GK5: variants seen among roughly 807,000 people sequenced by gnomAD.
GK5 encodes glycerol kinase 5.
A neutral mutation model predicts 77.3 loss-of-function variants in GK5; 39 were observed. That is an observed-to-expected ratio of 0.50 (90% CI 0.39 to 0.66). The LOEUF (loss-of-function observed/expected upper bound fraction) is 0.66. Ranked by LOEUF, GK5 falls within the 30% of genes least tolerant of loss-of-function variation. The probability of loss-of-function intolerance (pLI) is 0.00; values close to 1 mark genes in which losing one functional copy is unlikely to be tolerated. For synonymous variants in GK5, 211 were observed against 208.0 expected, an observed-to-expected ratio of 1.01 and a Z score of -0.13; for missense variants, 487 against 633.8, an observed-to-expected ratio of 0.77 and a Z score of 2.49.
chr3:142,225,128 G>A (rs1400843339), intron 1 of GK5, among the ~76,000 whole-genome samples, 181 bp downstream of exon 1: 4 of 152,148 alleles, frequency 2.6e-5, no homozygotes, highest in Non-Finnish European at 5.9e-5. Context: ...GCCCAGACGA[G>A]GGAGGGAACG....
chr3:142,177,230 A>G (rs1560212982), intron 12 of GK5, among the ~76,000 whole-genome samples: 2 of 152,168 alleles, frequency 1.3e-5, no homozygotes, highest in Admixed American at 1.3e-4. Flanking sequence ...TAGGTTCCAC[A>G]CAGTTCTAAG....
At chr3:142,202,693 A>G (rs979794851) in intron 4 of GK5, among the ~76,000 whole-genome samples, 1 of 152,226 alleles carries the variant, frequency 6.6e-6, no homozygotes, top group Non-Finnish European at 1.5e-5. Flanking sequence ...ATGGTGGTTC[A>G]TACCTGTAAT....
At chr3:142,223,345 T>C (rs1272533885) in intron 1 of GK5, among the ~76,000 whole-genome samples, 1 of 152,246 alleles carries the variant, frequency 6.6e-6, no homozygotes, top group Non-Finnish European at 1.5e-5. Flanking sequence ...AGGGAGACTT[T>C]AAAAAGTATC....
intron 3 of GK5, among the ~76,000 whole-genome samples, chr3:142,206,320 T>C (rs982156225): frequency 6.6e-5 from 10 of 152,332 alleles, no homozygotes; most frequent in African/African-American, 1.7e-4. Flanking sequence ...TATGTTTAAC[T>C]TTTTGAGGAA....
rs1315867171 is a variant in GK5, at chr3:142,225,579, G to A, written c.-124C>T. 1.6e-5 allele frequency: 20 copies of A among 1,272,470 alleles called. No homozygotes were observed. Among genetic ancestry groups the A allele is most frequent in the Non-Finnish European group, 2.0e-5 (19 of 955,142 alleles). The allele number at this position is 1,272,470 out of a possible 1,614,324, so 78.8% of individuals were successfully genotyped here. ...ACCCGGCTCAGCCGGAGAGCCTAGA[G>A]AGGCCTGGCCCCTGCCGCCGGCTCC... On this transcript the variant is annotated 5_prime_UTR_variant, in exon 1 of 16. Transcript: ENST00000392993.
intron 10 of GK5, among the ~76,000 whole-genome samples, chr3:142,182,156 C>T (rs878865697): frequency 6.6e-6 from 1 of 152,034 alleles, no homozygotes; most frequent in Admixed American, 6.6e-5. Context: ...GAAACAGAGC[C>T]CAAACTAGTA....
chr3:142,218,288 T>C (rs1430240939), intron 1 of GK5, among the ~76,000 whole-genome samples: 2 of 149,354 alleles, frequency 1.3e-5, no homozygotes, highest in Non-Finnish European at 3.0e-5. Context: ...ATCCCAGCAC[T>C]TTGGGAGGCT....
At chr3:142,196,262 T>A (rs1213074753) in intron 5 of GK5, among the ~76,000 whole-genome samples, 3 of 152,106 alleles carry the variant, frequency 2.0e-5, no homozygotes, top group African/African-American at 7.2e-5. Context: ...GAAGCAACTT[T>A]CGGTTTTATT....
chr3:142,176,088 G>A (rs554016994), intron 12 of GK5, among the ~76,000 whole-genome samples: 12 of 152,050 alleles, frequency 7.9e-5, no homozygotes, highest in Middle Eastern at 3.4e-3. Context: ...GTGCTATTTA[G>A]AGGTTCCCTC....
intron 5 of GK5, among the ~76,000 whole-genome samples, chr3:142,190,955 T>C (rs2063841035): frequency 6.6e-6 from 1 of 152,172 alleles, no homozygotes; most frequent in South Asian, 2.1e-4. Context: ...GTTACTAGAA[T>C]AACTAAGTGA....
At chr3:142,213,250 T>C (rs918973231) in intron 3 of GK5, among the ~76,000 whole-genome samples, 4 of 152,192 alleles carry the variant, frequency 2.6e-5, no homozygotes, top group African/African-American at 9.7e-5. Flanking sequence ...TTTTAGATCT[T>C]TGATCTATGC....
At chr3:142,204,934 T>C (rs931240119) in intron 3 of GK5, 146 bp from the exon 4 acceptor site, 6 of 599,722 alleles carry the variant, frequency 1.0e-5, no homozygotes, top group African/African-American at 9.3e-5. Flanking sequence ...TGATTTCTTC[T>C]TGATTTTATA....
intron 15 of GK5, among the ~76,000 whole-genome samples, chr3:142,166,931 C>A (rs1466742170): frequency 6.6e-6 from 1 of 152,202 alleles, no homozygotes; most frequent in Non-Finnish European, 1.5e-5. Flanking sequence ...TCTATCACAC[C>A]TCTTTTGAAG....
At chr3:142,172,706 T>C (rs1308986211) in intron 12 of GK5, among the ~76,000 whole-genome samples, 2 of 152,222 alleles carry the variant, frequency 1.3e-5, no homozygotes, top group Non-Finnish European at 2.9e-5. Context: ...AAGCATATAG[T>C]AACAAATTAT....
chr3:142,220,756 T>G (rs184445401), intron 1 of GK5, among the ~76,000 whole-genome samples: 51 of 152,294 alleles, frequency 3.3e-4, no homozygotes, highest in Admixed American at 1.9e-3. Flanking sequence ...AATGAACATA[T>G]GAGTGAACTA....
At chr3:142,184,105 C>G (rs1450749652) in intron 9 of GK5, among the ~76,000 whole-genome samples, 1 of 150,454 alleles carries the variant, frequency 6.6e-6, no homozygotes, top group Non-Finnish European at 1.5e-5. Context: ...AAAAAAAATA[C>G]AAAAAATTAG....
chr3:142,194,296 C>T (rs1366647560), intron 5 of GK5, among the ~76,000 whole-genome samples: 8 of 152,082 alleles, frequency 5.3e-5, no homozygotes, highest in Non-Finnish European at 1.5e-5. Context: ...AAGGTCGAGG[C>T]GGGCAGATCA....
intron 1 of GK5, among the ~76,000 whole-genome samples, chr3:142,219,750 A>T (rs568834534): frequency 1.4e-4 from 22 of 152,322 alleles, no homozygotes; most frequent in Non-Finnish European, 2.4e-4. Flanking sequence ...CCGAGGTAGG[A>T]GAATTGCTTG....
chr3:142,178,405 TTAATTTAGTA>T (rs2063650851), intron 11 of GK5, among the ~76,000 whole-genome samples: 1 of 152,044 alleles, frequency 6.6e-6, no homozygotes, highest in Admixed American at 6.6e-5. Context: ...ACCAAGACAA[TTAATTTAGTA>T]AACTTTAACT....
Sources: allele counts gnomAD v4.1 joint callset (sites outside exome capture counted in the v4.1 genomes callset), GRCh38; gene constraint gnomAD v4.1.1; transcripts MANE v1.5; gene names NCBI Gene and HGNC (gene_info 2026-07-23, HGNC 2026-07-21).